ABRAXAS2: variants seen among roughly 807,000 people sequenced by gnomAD.
The protein encoded by ABRAXAS2 is abraxas 2, BRISC complex subunit.
ABRAXAS2 carries 23 observed loss-of-function variants against 49.0 expected under a neutral mutation model. The observed-to-expected ratio is 0.47, with a 90% CI of 0.34 to 0.66. ABRAXAS2 has a LOEUF of 0.66. Ranked by LOEUF, ABRAXAS2 falls within the 30% of genes least tolerant of loss-of-function variation. The pLI is 0.01. For missense variants in ABRAXAS2, 443 were observed against 511.9 expected, an observed-to-expected ratio of 0.87 and a Z score of 1.30; for synonymous variants, 168 against 180.2, an observed-to-expected ratio of 0.93 and a Z score of 0.54.
chr10:124,827,295 G>C (rs969874210), intron 5 of ABRAXAS2, among the ~76,000 whole-genome samples: 1 of 151,544 alleles, frequency 6.6e-6, no homozygotes, highest in Admixed American at 6.6e-5. Context: ...GAGTAGCTGG[G>C]ATTACAGGCA....
chr10:124,803,660 G>C (rs568001650), intron 1 of ABRAXAS2, among the ~76,000 whole-genome samples: 1 of 152,198 alleles, frequency 6.6e-6, no homozygotes, highest in African/African-American at 2.4e-5. Context: ...CCAGCACTTT[G>C]GGAGGCTGAG....
At chr10:124,812,519 T>A (rs1483070381) in intron 2 of ABRAXAS2, among the ~76,000 whole-genome samples, 1 of 152,178 alleles carries the variant, frequency 6.6e-6, no homozygotes, top group Non-Finnish European at 1.5e-5. Context: ...GGCACACACC[T>A]GTAGTCTCAG....
At chr10:124,806,764 T>C (rs1276259009) in intron 1 of ABRAXAS2, 67 bp from the exon 2 acceptor site, 7 of 1,039,892 alleles carry the variant, frequency 6.7e-6, no homozygotes, top group Non-Finnish European at 1.0e-5. Flanking sequence ...TGTCCTCAAT[T>C]CCTCTTAATT....
intron 8 of ABRAXAS2, among the ~76,000 whole-genome samples, chr10:124,833,971 A>G (rs920980715): frequency 2.0e-5 from 3 of 152,198 alleles, no homozygotes; most frequent in Admixed American, 6.5e-5. Context: ...TTTAAGGTGT[A>G]TAAGTGTATT....
At chr10:124,833,700 G>A (rs569821551) in intron 8 of ABRAXAS2, among the ~76,000 whole-genome samples, 1 of 152,212 alleles carries the variant, frequency 6.6e-6, no homozygotes, top group East Asian at 1.9e-4. Context: ...GGAATTGTGG[G>A]CAGCTTTTAT....
At position 124,831,430 on chromosome 10, in the gene ABRAXAS2, A is replaced by G. The variant is rs1950931830; in HGVS notation, c.745A>G (p.Thr249Ala). The G allele has an allele frequency of 6.2e-7, 1 of 1,605,996 alleles. No individual in the cohort carries two copies. The highest frequency in any genetic ancestry group is 8.5e-7 in the Non-Finnish European group (1 of 1,173,642). Residue 249 changes from threonine (T) to alanine (A), a missense_variant, in exon 8 of 9, where the codon ACT becomes GCT. Coordinates refer to ENST00000298492, the MANE Select transcript of ABRAXAS2 (RefSeq NM_032182.4). ...AEVNKLRRQI[T>A]QRKNEKEQER... ...AGTGAACAAATTAAGAAGACAAATC[A>G]CTCAGAGGAAAAATGAAAAGGAACA... is the stretch of plus-strand genomic sequence containing the variant.
At chr10:124,818,686 C>A in intron 3 of ABRAXAS2, among the ~76,000 whole-genome samples, 1 of 152,140 alleles carries the variant, frequency 6.6e-6, no homozygotes, top group East Asian at 1.9e-4. Flanking sequence ...GTGGCTTTCC[C>A]AAGCCCATGT....
intron 8 of ABRAXAS2, among the ~76,000 whole-genome samples, chr10:124,833,887 C>T (rs1246650044): frequency 1.3e-5 from 2 of 151,994 alleles, no homozygotes; most frequent in Non-Finnish European, 2.9e-5. Context: ...CTACTTAAGA[C>T]AGGGTTTTTA....
intron 5 of ABRAXAS2, among the ~76,000 whole-genome samples, chr10:124,828,318 T>G (rs1394954521): frequency 2.0e-5 from 3 of 152,164 alleles, no homozygotes; most frequent in African/African-American, 7.2e-5. Flanking sequence ...CTTAAGTAGC[T>G]GGGACTATAG....
chr10:124,825,414 A>G (rs998751849), intron 4 of ABRAXAS2, among the ~76,000 whole-genome samples: 1 of 151,620 alleles, frequency 6.6e-6, no homozygotes, highest in African/African-American at 2.4e-5. Flanking sequence ...AATCTATGGG[A>G]AGATATGTTT....
chr10:124,826,574 CTT>C lies in ABRAXAS2; in HGVS notation c.268-18_268-17del. ...ATTAAATTTGTAAGATTTCATGCAACTTTTCACACTTTTCTTTCAGAAAGTCA... is the reference window on the plus strand; with the variant it reads ...ATTAAATTTGTAAGATTTCATGCAACTTCACACTTTTCTTTCAGAAAGTCA... On this transcript the variant is annotated intron_variant, in intron 4 of 8. Coordinates refer to ENST00000298492, the MANE Select transcript of ABRAXAS2 (RefSeq NM_032182.4). 1 of 1,599,462 alleles carries C rather than the reference CTT, an allele frequency of 6.3e-7. No homozygotes were observed. Among genetic ancestry groups the C allele is most frequent in the Non-Finnish European group, 8.5e-7 (1 of 1,170,940 alleles).
intron 2 of ABRAXAS2, among the ~76,000 whole-genome samples, chr10:124,813,062 G>A (rs1219302146): frequency 2.0e-5 from 3 of 152,018 alleles, no homozygotes; most frequent in Non-Finnish European, 2.9e-5. Flanking sequence ...TTAGCCAGGC[G>A]AGGTGGTGCA....
Position 124,801,892 on chromosome 10 carries a change from C to A in ABRAXAS2, c.63C>A (p.Asn21Lys), listed in dbSNP as rs749507269. 6.2e-7 allele frequency: 1 copy of A among 1,612,862 alleles called. No individual in the cohort carries two copies. The highest frequency in any genetic ancestry group is 8.5e-7 in the Non-Finnish European group (1 of 1,179,654). ...SAVCFHSANS[N>K]ADHEGFLLGE... ...TGTGTTTCCACAGCGCCAACAGCAA[C>A]GCGGACCACGTAGGTGCCGGGCCCC... The change falls in exon 1 of 9, where the codon AAC becomes AAA. Residue 21 changes from asparagine to lysine, a missense_variant. Around this residue, in one of 3 missense-constraint regions of ABRAXAS2, gnomAD observed 47 missense variants for 27.6 expected, o/e 1.70. Coordinates refer to ENST00000298492, the MANE Select transcript of ABRAXAS2 (RefSeq NM_032182.4).
rs532506246 is a variant in ABRAXAS2 at position 124,818,487 on chromosome 10, CA to C, written c.201-891del. On this transcript the variant is annotated intron_variant, in intron 3 of 8. Transcript: ENST00000298492. ...TGTCTATTCCAAACTCCTTATTTTGCAAAAAATGGAATGGAAACCAGGTGGA... is the reference window on the plus strand; with the variant it reads ...TGTCTATTCCAAACTCCTTATTTTGCAAAAATGGAATGGAAACCAGGTGGA... Among the ~76,000 whole-genome samples, 9 of 151,764 alleles carry C rather than the reference CA, an allele frequency of 5.9e-5. No homozygotes were observed. The South Asian group carries it at 1.9e-3, about 32-fold the overall frequency.
At chr10:124,826,488 C>T (rs1027081381) in intron 4 of ABRAXAS2, 107 bp from the exon 5 acceptor site, 1 of 1,119,812 alleles carries the variant, frequency 8.9e-7, no homozygotes, top group African/African-American at 1.6e-5. Flanking sequence ...CAGGGTGGGG[C>T]TTTTGCACAT....
chr10:124,803,195 A>G (rs1456809104), intron 1 of ABRAXAS2, among the ~76,000 whole-genome samples: 2 of 152,216 alleles, frequency 1.3e-5, no homozygotes, highest in African/African-American at 4.8e-5. Flanking sequence ...TGTAAGAACA[A>G]GCAGCTACCT....
chr10:124,806,340 G>A (rs928954801), intron 1 of ABRAXAS2, among the ~76,000 whole-genome samples: 18 of 151,832 alleles, frequency 1.2e-4, no homozygotes, highest in Admixed American at 1.1e-3. Context: ...CAAGAAAAAG[G>A]TTCATGTGGA....
chr10:124,831,503 ATGT>A (rs1459419933), intron 8 of ABRAXAS2, 40 bp downstream of exon 8: 1 of 1,140,840 alleles, frequency 8.8e-7, no homozygotes, highest in Non-Finnish European at 1.3e-6. Context: ...TATCAGGGAA[ATGT>A]TGTTTTAAAC....
intron 2 of ABRAXAS2, among the ~76,000 whole-genome samples, chr10:124,811,979 G>T (rs925762016): frequency 6.6e-6 from 1 of 152,110 alleles, no homozygotes; most frequent in African/African-American, 2.4e-5. Context: ...GTTTCTCCAT[G>T]TTGGTTAGGC....
Sources: allele counts gnomAD v4.1 joint callset (sites outside exome capture counted in the v4.1 genomes callset), GRCh38; gene constraint gnomAD v4.1.1; regional missense constraint gnomAD v4.1.1; transcripts MANE v1.5; gene names NCBI Gene and HGNC (gene_info 2026-07-23, HGNC 2026-07-21).